HABP4: variants seen among roughly 807,000 people sequenced by gnomAD.
HABP4 encodes intracellular hyaluronan-binding protein 4.
Under a neutral mutation model 44.1 loss-of-function variants are expected in HABP4, and 32 were observed. That is an observed-to-expected ratio of 0.73 (90% CI 0.55 to 0.97). The LOEUF (loss-of-function observed/expected upper bound fraction) is 0.97. Ranked by LOEUF, HABP4 falls within the 50% of genes least tolerant of loss-of-function variation. HABP4 has a pLI of 0.00. For synonymous variants in HABP4, 216 were observed against 218.0 expected (o/e 0.99, Z 0.08); for missense variants, 503 against 561.9 (o/e 0.90, Z 1.06).
chr9:96,473,529 T>G (rs1339682220), intron 5 of HABP4, among the ~76,000 whole-genome samples: 1 of 152,162 alleles, frequency 6.6e-6, no homozygotes, highest in Non-Finnish European at 1.5e-5. Context: ...GCCAAGGTGG[T>G]GTTCACACCG....
intron 4 of HABP4, 68 bp from the exon 5 acceptor site, chr9:96,470,943 T>C: frequency 2.2e-6 from 2 of 924,864 alleles, no homozygotes; most frequent in South Asian, 1.4e-5. Flanking sequence ...GTTTTCTCCT[T>C]CTTAAACATA....
At position 96,450,494 on chromosome 9, in the gene HABP4, G is replaced by A. The variant is rs1207322832; in HGVS notation, c.215G>A (p.Gly72Asp). 7.4e-6 allele frequency: 9 copies of A among 1,213,408 alleles called. No homozygotes were observed. The highest frequency in any genetic ancestry group is 3.4e-5 in the East Asian group (1 of 29,554). 75.2% of individuals were successfully genotyped at this position (1,213,408 alleles called of 1,614,324 possible). The stretch of plus-strand genomic sequence containing the variant: ...GCGGCCGGGGCCGGTCCCCGCGGCG[G>A]CAGGAGCCCAGCCGGGGCCTCGGGC... ...AAAAGAGPRG[G>D]RSPAGASGHR... Residue 72 changes from glycine to aspartate, a missense_variant, in exon 1 of 8, where the codon GGC becomes GAC. Gly to Asp is a moderately conservative substitution (Grantham distance 94). Around this residue, in one of 3 missense-constraint regions of HABP4, gnomAD observed 290 missense variants for 300.5 expected, o/e 0.97. Coordinates refer to ENST00000375249, the MANE Select transcript of HABP4 (RefSeq NM_014282.4). The surrounding 1 kb of genome is among the most constrained non-coding windows in gnomAD (Gnocchi z 4.8).
intron 4 of HABP4, among the ~76,000 whole-genome samples, chr9:96,467,122 C>T (rs1025333471): frequency 2.0e-5 from 3 of 151,962 alleles, no homozygotes. Context: ...GGGGTTTCAC[C>T]ACATTGGTCA....
Position 96,490,058 on chromosome 9 carries a change from A to T in HABP4, c.*20A>T. The T allele has an allele frequency of 6.6e-7, 1 of 1,520,926 alleles. No individual in the cohort carries two copies. The highest frequency in any genetic ancestry group is 9.1e-7 in the Non-Finnish European group (1 of 1,094,740). 94.2% of individuals were successfully genotyped at this position (1,520,926 alleles called of 1,614,324 possible). A position where few individuals can be genotyped will look rare whatever the true frequency, so the allele number is the denominator to read the frequency against. Reference sequence around the variant, plus strand: ...TCTTGAAAGAGCCCTGTTTCCCAGCACCGCGGAGCTGCACTGCACACCTGT... The same window carrying T: ...TCTTGAAAGAGCCCTGTTTCCCAGCTCCGCGGAGCTGCACTGCACACCTGT... On this transcript the variant is annotated 3_prime_UTR_variant, in exon 8 of 8. Transcript: ENST00000375249.
rs1423980318 is a variant in HABP4, at chr9:96,490,964, GC to G, written c.*927del. The G allele has an allele frequency of 4.6e-5, 7 of 152,206 alleles. No homozygotes were observed. The highest frequency in any genetic ancestry group is 7.3e-5 in the Non-Finnish European group (5 of 68,092). 9.4% of individuals were successfully genotyped at this position (152,206 alleles called of 1,614,324 possible). A position where few individuals can be genotyped will look rare whatever the true frequency, so the allele number is the denominator to read the frequency against. ...TCCAGTTCTAGAGTTCCTCTTTATT[GC>G]TTTTGGTGAAAGTTTGGGGTTGGGG... is the stretch of plus-strand genomic sequence containing the variant. On this transcript the variant is annotated 3_prime_UTR_variant, in exon 8 of 8. Coordinates refer to ENST00000375249, the MANE Select transcript of HABP4 (RefSeq NM_014282.4).
chr9:96,458,357 T>C (rs1354620871), intron 1 of HABP4, 22 bp from the exon 2 acceptor site: 2 of 1,612,390 alleles, frequency 1.2e-6, no homozygotes, highest in Admixed American at 1.7e-5. Flanking sequence ...TCCAGCTCTC[T>C]GCTTTGATTT....
At chr9:96,458,719 T>A (rs962951376) in intron 2 of HABP4, among the ~76,000 whole-genome samples, 178 bp downstream of exon 2, 1 of 149,964 alleles carries the variant, frequency 6.7e-6, no homozygotes, top group Non-Finnish European at 1.5e-5. Flanking sequence ...CGCTCCCGGG[T>A]TCAAGCAATT....
intron 5 of HABP4, among the ~76,000 whole-genome samples, chr9:96,481,866 T>TATATATATATAA (rs1832885161): frequency 6.6e-6 from 1 of 152,152 alleles, no homozygotes; most frequent in Non-Finnish European, 1.5e-5. Flanking sequence ...TTTACCATTT[T>TATATATATATAA]AATATATATA....
At chr9:96,476,920 C>T (rs1048675658) in intron 5 of HABP4, among the ~76,000 whole-genome samples, 1 of 152,222 alleles carries the variant, frequency 6.6e-6, no homozygotes, top group East Asian at 1.9e-4. Flanking sequence ...GAGGTGCATT[C>T]CAGTCAACAG....
intron 1 of HABP4, among the ~76,000 whole-genome samples, chr9:96,453,295 CG>C (rs1358463023): frequency 3.9e-5 from 6 of 151,908 alleles, no homozygotes; most frequent in African/African-American, 7.3e-5. Flanking sequence ...AGGATGGTCT[CG>C]ATCTCTTGAC....
Position 96,466,986 on chromosome 9 carries a change from G to A in HABP4, c.743+1208G>A, listed in dbSNP as rs1161245640. On this transcript the variant is annotated intron_variant, in intron 4 of 7. Coordinates refer to ENST00000375249, the MANE Select transcript of HABP4 (RefSeq NM_014282.4). The stretch of plus-strand genomic sequence containing the variant: ...CACCCAGGCTGGAGTGCAATGGCGC[G>A]ATCTCGGCTCACTGCAACCTCCGCT... 3.3e-5 allele frequency among the ~76,000 whole-genome samples: 5 copies of A among 149,618 alleles called. No homozygotes were observed. In the South Asian group the frequency reaches 6.3e-4, roughly 19 times the overall value.
chr9:96,450,178 A>C lies in HABP4; in HGVS notation c.-102A>C. ...AGGGGCCGGACAGGGTAGGGCCCGG[A>C]GGGCGGTGGCGGCGGAGCGGGCGGC... On this transcript the variant is annotated 5_prime_UTR_variant, in exon 1 of 8. Coordinates refer to ENST00000375249, the MANE Select transcript of HABP4 (RefSeq NM_014282.4). This position sits in a 1 kb window ranked among gnomAD's most constrained non-coding sequence, Gnocchi z 4.8. 1 of 1,149,186 alleles carries C rather than the reference A, an allele frequency of 8.7e-7. No individual in the cohort carries two copies. The highest frequency in any genetic ancestry group is 1.6e-5 in the African/African-American group (1 of 60,828). The allele number at this position is 1,149,186 out of a possible 1,614,324, so 71.2% of individuals were successfully genotyped here.
At chr9:96,464,399 G>A (rs77739970) in intron 2 of HABP4, among the ~76,000 whole-genome samples, 6,506 of 152,230 alleles carry the variant, frequency 0.043, 323 homozygotes, top group South Asian at 0.24. Context: ...CTAAAGTAAG[G>A]TTCTAATAAA....
intron 7 of HABP4, among the ~76,000 whole-genome samples, chr9:96,489,044 C>T (rs1237487933): frequency 2.0e-5 from 3 of 152,116 alleles, no homozygotes. Flanking sequence ...GCCCCGAGGC[C>T]CCATGGCACA....
rs888294077 is a variant in HABP4 at position 96,450,378 on chromosome 9, C to G, written c.99C>G (p.Asp33Glu). ...VVANRFHQLL[D>E]DESDPFDILR... ...CCAACCGCTTCCATCAGCTGCTGGA[C>G]GACGAGTCGGACCCGTTCGACATCC... The change falls in exon 1 of 8, where the codon GAC (aspartate) becomes GAG (glutamate). Residue 33 changes from aspartate (D) to glutamate (E), a missense_variant. Transcript: ENST00000375249. This position sits in a 1 kb window ranked among gnomAD's most constrained non-coding sequence, Gnocchi z 4.8. 1.4e-6 allele frequency: 2 copies of G among 1,403,856 alleles called. No individual in the cohort carries two copies. Among genetic ancestry groups the G allele is most frequent in the Non-Finnish European group, 1.9e-6 (2 of 1,061,482 alleles). 87.0% of individuals were successfully genotyped at this position (1,403,856 alleles called of 1,614,324 possible). A position where few individuals can be genotyped will look rare whatever the true frequency, so the allele number is the denominator to read the frequency against.
Position 96,490,300 on chromosome 9 carries a change from A to G in HABP4, c.*262A>G, listed in dbSNP as rs370192583. The G allele has an allele frequency of 5.9e-6, 3 of 511,878 alleles. No homozygotes were observed. The highest frequency in any genetic ancestry group is 3.8e-5 in the African/African-American group (2 of 52,136). 31.7% of individuals were successfully genotyped at this position (511,878 alleles called of 1,614,324 possible). ...ATGAAGAATAATGTTTAAAATGTGT[A>G]TATAGAGATAGTATAGACTCCTCCG... is the stretch of plus-strand genomic sequence containing the variant. On this transcript the variant is annotated 3_prime_UTR_variant, in exon 8 of 8. Coordinates refer to ENST00000375249, the MANE Select transcript of HABP4 (RefSeq NM_014282.4).
At chr9:96,484,260 G>A in intron 5 of HABP4, 1 of 487,804 alleles carries the variant, frequency 2.0e-6, no homozygotes, top group African/African-American at 1.9e-5. Context: ...CAGATAGGAA[G>A]TATCTTCTGT....
chr9:96,475,390 C>CAAAAAAAAAAAAAAAAAAAAAAA (rs61553823), intron 5 of HABP4, among the ~76,000 whole-genome samples: 5 of 94,104 alleles, frequency 5.3e-5, no homozygotes, highest in African/African-American at 1.2e-4. Context: ...ACAACAACAA[C>CAAAAAAAAAAAAAAAAAAAAAAA]AAAAAAAAAA....
At chr9:96,485,841 G>T (rs145421103) in intron 6 of HABP4, among the ~76,000 whole-genome samples, 1 of 152,144 alleles carries the variant, frequency 6.6e-6, no homozygotes, top group African/African-American at 2.4e-5. Flanking sequence ...TGATTTTCAT[G>T]TGGAATCTCA....
Sources: gnomAD v4.1 joint callset for allele counts (sites outside exome capture counted in the v4.1 genomes callset) on GRCh38, gnomAD v4.1.1 for gene constraint, gnomAD v4.1.1 regional missense constraint, Gnocchi (gnomAD v3.1) non-coding constraint, MANE v1.5 for transcripts, NCBI Gene and HGNC (gene_info 2026-07-23, HGNC 2026-07-21) for gene names.